The following SMAD5 variants were observed in gnomAD, a reference collection of about 807,000 sequenced individuals.
The protein encoded by SMAD5 is MAD, mothers against decapentaplegic homolog 5.
In SMAD5, 9 loss-of-function variants were observed where a neutral mutation model predicts 43.1. The observed-to-expected ratio is 0.21, with a 90% confidence interval of 0.13 to 0.36. SMAD5 has a LOEUF of 0.36. Ranked by LOEUF, SMAD5 falls within the 10% of genes least tolerant of loss-of-function variation. The pLI, the probability that SMAD5 is intolerant of heterozygous loss-of-function variation, is 1.00. For synonymous variants in SMAD5, 190 were observed against 192.4 expected, an observed-to-expected ratio of 0.99 and a Z score of 0.10; for missense variants, 348 against 574.0, an observed-to-expected ratio of 0.61 and a Z score of 4.02.
Position 136,182,114 on chromosome 5 carries a change from G to T in SMAD5, c.*4634G>T, listed in dbSNP as rs1754646775. The T allele has an allele frequency of 6.6e-6, 1 of 152,112 alleles. No individual in the cohort carries two copies. Among genetic ancestry groups the T allele is most frequent in the South Asian group, 2.1e-4 (1 of 4,822 alleles). 9.4% of individuals were successfully genotyped at this position (152,112 alleles called of 1,614,324 possible). On this transcript the variant is annotated 3_prime_UTR_variant, in exon 8 of 8. Transcript: ENST00000545279. ...TATTTGAAGATGCTGTTAAAGTACAGAATTTTGTGTACAGGTAGATTTTTC... is the reference window on the plus strand; with the variant it reads ...TATTTGAAGATGCTGTTAAAGTACATAATTTTGTGTACAGGTAGATTTTTC...
Position 136,179,054 on chromosome 5 carries a change from A to AAAAACAAAACAAAAC in SMAD5, c.*1581_*1595dup, listed in dbSNP as rs979564998. On this transcript the variant is annotated 3_prime_UTR_variant, in exon 8 of 8. Transcript: ENST00000545279. ...GGCGACAGAGCGAGACTCTGCCTCA[A>AAAAACAAAACAAAAC]AAAACAAAACAAAACAAAACACTCA... 1 of 152,380 alleles carries AAAAACAAAACAAAAC rather than the reference A, an allele frequency of 6.6e-6. No homozygotes were observed. The highest frequency in any genetic ancestry group is 1.5e-5 in the Non-Finnish European group (1 of 68,212). 9.4% of individuals were successfully genotyped at this position (152,380 alleles called of 1,614,324 possible).
chr5:136,137,310 A>C (rs929649807), intron 1 of SMAD5, among the ~76,000 whole-genome samples: 1 of 134,168 alleles, frequency 7.5e-6, no homozygotes, highest in African/African-American at 2.9e-5. Context: ...TATGTACTTT[A>C]TAGACTGGTA....
intron 1 of SMAD5, among the ~76,000 whole-genome samples, chr5:136,140,540 T>C (rs1022535852): frequency 1.6e-4 from 24 of 152,090 alleles, no homozygotes; most frequent in African/African-American, 5.8e-4. Flanking sequence ...CCTTAGGATC[T>C]TTGCATTGCC....
intron 5 of SMAD5, among the ~76,000 whole-genome samples, chr5:136,168,895 C>T (rs1052839246): frequency 3.3e-5 from 5 of 152,016 alleles, no homozygotes; most frequent in Non-Finnish European, 5.9e-5. Context: ...CTTGATAGCT[C>T]ATTTCTTTTT....
intron 5 of SMAD5, among the ~76,000 whole-genome samples, chr5:136,169,499 G>GT (rs1244692153): frequency 5.3e-5 from 8 of 152,128 alleles, no homozygotes; most frequent in African/African-American, 1.9e-4. Context: ...TGTCTTGGTT[G>GT]TACCACAGTT....
At chr5:136,157,402 G>A (rs1250771107) in intron 3 of SMAD5, among the ~76,000 whole-genome samples, 1 of 152,040 alleles carries the variant, frequency 6.6e-6, no homozygotes, top group Non-Finnish European at 1.5e-5. Flanking sequence ...AGAATTGGTT[G>A]GGGGATGGTT....
intron 5 of SMAD5, among the ~76,000 whole-genome samples, chr5:136,165,475 A>G (rs1753966621): frequency 6.6e-6 from 1 of 152,000 alleles, no homozygotes. Flanking sequence ...AAATCCATTT[A>G]TAATGTTGTG....
intron 1 of SMAD5, among the ~76,000 whole-genome samples, chr5:136,146,300 G>A (rs932850699): frequency 2.0e-5 from 3 of 151,884 alleles, no homozygotes; most frequent in Non-Finnish European, 4.4e-5. Flanking sequence ...TGTAAAGACT[G>A]TTGCAGTTGC....
intron 7 of SMAD5, among the ~76,000 whole-genome samples, chr5:136,177,111 T>A (rs995909957): frequency 6.6e-6 from 1 of 152,198 alleles, no homozygotes; most frequent in Non-Finnish European, 1.5e-5. Flanking sequence ...GGGTTTCTTT[T>A]AAGGGAATTA....
intron 2 of SMAD5, among the ~76,000 whole-genome samples, chr5:136,151,673 C>T (rs1392674510): frequency 6.6e-6 from 1 of 152,038 alleles, no homozygotes; most frequent in African/African-American, 2.4e-5. Context: ...TGCTCATACA[C>T]ATACTCTCTC....
In SMAD5 at chr5:136,153,715, G is replaced by T; in HGVS notation, c.-46G>T. The T allele has an allele frequency of 6.6e-7, 1 of 1,520,678 alleles. No homozygotes were observed. Among genetic ancestry groups the T allele is most frequent in the Non-Finnish European group, 8.9e-7 (1 of 1,119,112 alleles). 94.2% of individuals were successfully genotyped at this position (1,520,678 alleles called of 1,614,324 possible). A position where few individuals can be genotyped will look rare whatever the true frequency, so the allele number is the denominator to read the frequency against. On this transcript the variant is annotated 5_prime_UTR_variant, in exon 3 of 8. Coordinates refer to ENST00000545279, the MANE Select transcript of SMAD5 (RefSeq NM_005903.7). ...TCACCTGTGATCTGTTCTTTCGGTA[G>T]CCACTGACTTTGAGTTACAGGAAGG...
chr5:136,147,933 G>A (rs1418172059), intron 2 of SMAD5, 27 bp downstream of exon 2: 2 of 151,594 alleles, frequency 1.3e-5, no homozygotes, highest in African/African-American at 4.8e-5. Flanking sequence ...GATCATTCAT[G>A]CCACTCTGTT....
chr5:136,176,477 AAAAAAAG>A (rs1331213896), intron 7 of SMAD5, among the ~76,000 whole-genome samples: 1 of 149,366 alleles, frequency 6.7e-6, no homozygotes, highest in African/African-American at 2.4e-5. Flanking sequence ...AAAAAAAAAA[AAAAAAAG>A]AAACTCTGAC....
intron 1 of SMAD5, chr5:136,134,757 A>G (rs1006683717): frequency 1.3e-5 from 2 of 152,228 alleles, no homozygotes; most frequent in Non-Finnish European, 1.5e-5. Context: ...GATTGTTCCT[A>G]TACAGCTTCC....
At chr5:136,158,931 C>T (rs925374938) in intron 3 of SMAD5, among the ~76,000 whole-genome samples, 3 of 151,292 alleles carry the variant, frequency 2.0e-5, no homozygotes, top group Admixed American at 6.6e-5. Flanking sequence ...CAAGGGAAAA[C>T]GTAGAGTGAA....
At chr5:136,177,023 ATTTGT>A (rs1407553589) in intron 7 of SMAD5, among the ~76,000 whole-genome samples, 1 of 152,178 alleles carries the variant, frequency 6.6e-6, no homozygotes, top group Non-Finnish European at 1.5e-5. Context: ...GATCAGAAAT[ATTTGT>A]TTTAATTATG....
intron 1 of SMAD5, among the ~76,000 whole-genome samples, chr5:136,137,431 T>A (rs906526837): frequency 2.6e-5 from 4 of 152,234 alleles, no homozygotes; most frequent in Admixed American, 2.0e-4. Context: ...AAAAAACTAG[T>A]GTCCCATTCC....
At chr5:136,145,608 G>T (rs1753233669) in intron 1 of SMAD5, among the ~76,000 whole-genome samples, 1 of 151,892 alleles carries the variant, frequency 6.6e-6, no homozygotes, top group Non-Finnish European at 1.5e-5. Context: ...TGAAATAAAG[G>T]ATCCCAACCA....
chr5:136,145,504 T>G (rs759855365), intron 1 of SMAD5, among the ~76,000 whole-genome samples: 7 of 152,074 alleles, frequency 4.6e-5, no homozygotes, highest in Non-Finnish European at 5.9e-5. Context: ...TTTTAAGTTA[T>G]AAGAAAGCAT....
Sources: gnomAD v4.1 joint callset for allele counts (sites outside exome capture counted in the v4.1 genomes callset) on GRCh38, gnomAD v4.1.1 for gene constraint, MANE v1.5 for transcripts, NCBI Gene and HGNC (gene_info 2026-07-23, HGNC 2026-07-21) for gene names.